The following SLC17A8 variants were observed in gnomAD, a reference collection of about 807,000 sequenced individuals.
SLC17A8 encodes vesicular glutamate transporter 3.
Under a neutral mutation model 58.0 loss-of-function variants are expected in SLC17A8, and 31 were observed. The observed-to-expected ratio is 0.53, with a 90% CI of 0.40 to 0.72. SLC17A8 has a LOEUF of 0.72. Ranked by LOEUF, SLC17A8 falls within the 30% of genes least tolerant of loss-of-function variation. The probability of loss-of-function intolerance (pLI) is 0.00; values close to 1 mark genes in which losing one functional copy is unlikely to be tolerated. For synonymous variants in SLC17A8, 228 were observed against 249.0 expected (o/e 0.92, Z 0.79); for missense variants, 655 against 727.8 (o/e 0.90, Z 1.15).
In SLC17A8 at chr12:100,357,264, T is replaced by C; in HGVS notation, c.-128T>C. 1 of 748,046 alleles carries C rather than the reference T, an allele frequency of 1.3e-6. No individual in the cohort carries two copies. The highest frequency in any genetic ancestry group is 1.8e-5 in the Admixed American group (1 of 55,570). 46.3% of individuals were successfully genotyped at this position (748,046 alleles called of 1,614,324 possible). A position where few individuals can be genotyped will look rare whatever the true frequency, so the allele number is the denominator to read the frequency against. ...TCATCTCCTTTTTGATTTTGAGTAG[T>C]TCCCTCCACGAGAACTGACTTCCAG... On this transcript the variant is annotated 5_prime_UTR_variant, in exon 1 of 12. Coordinates refer to ENST00000323346, the MANE Select transcript of SLC17A8 (RefSeq NM_139319.3).
At chr12:100,419,560 T>A (rs890736208) in intron 11 of SLC17A8, among the ~76,000 whole-genome samples, 3 of 152,050 alleles carry the variant, frequency 2.0e-5, no homozygotes, top group Non-Finnish European at 4.4e-5. Context: ...TTTTCTAAAT[T>A]AAAAAAATAC....
intron 9 of SLC17A8, among the ~76,000 whole-genome samples, chr12:100,411,666 T>C (rs1952868562): frequency 1.3e-5 from 2 of 152,114 alleles, no homozygotes; most frequent in African/African-American, 4.8e-5. Context: ...GGAAATGATA[T>C]TTATATCATT....
At chr12:100,364,541 G>T (rs1012606865) in intron 1 of SLC17A8, among the ~76,000 whole-genome samples, 2 of 152,168 alleles carry the variant, frequency 1.3e-5, no homozygotes, top group African/African-American at 4.8e-5. Flanking sequence ...TCTAGCACTG[G>T]GTGGCTGAGG....
intron 2 of SLC17A8, among the ~76,000 whole-genome samples, chr12:100,382,940 A>G (rs1952647549): frequency 6.6e-6 from 1 of 152,192 alleles, no homozygotes; most frequent in African/African-American, 2.4e-5. Context: ...CACCATGGAG[A>G]TCCTCCTAAC....
chr12:100,402,293 G>T (rs1438464627), intron 6 of SLC17A8, 47 bp from the exon 7 acceptor site: 2 of 1,606,696 alleles, frequency 1.2e-6, no homozygotes, highest in Non-Finnish European at 1.7e-6. Context: ...TTTAGAAACG[G>T]AAGAAAATGA....
rs113979674 is a variant in SLC17A8, at chr12:100,418,649, G to C, written c.1425+493G>C. Among the ~76,000 whole-genome samples the C allele has an allele frequency of 4.4e-3, 667 of 152,296 alleles. 4 individuals carry two copies. Among genetic ancestry groups the C allele is most frequent in the African/African-American group, 0.015 (620 of 41,560 alleles). On this transcript the variant is annotated intron_variant, in intron 11 of 11. Transcript: ENST00000323346. ...CTGAGCCTTTGTGAATTTAGACAAG[G>C]GTGGATGGTAGAGGCAGATCCATCC... is the stretch of plus-strand genomic sequence containing the variant.
intron 2 of SLC17A8, among the ~76,000 whole-genome samples, chr12:100,387,767 C>T (rs543121389): frequency 1.1e-3 from 174 of 152,222 alleles, no homozygotes; most frequent in African/African-American, 3.9e-3. Flanking sequence ...TTTTGTGTCC[C>T]CTTTTCCTTG....
intron 4 of SLC17A8, among the ~76,000 whole-genome samples, chr12:100,394,756 T>C (rs1223127963): frequency 6.8e-6 from 1 of 147,688 alleles, no homozygotes; most frequent in African/African-American, 2.5e-5. Flanking sequence ...TATATATAAA[T>C]TTAATTATAT....
intron 1 of SLC17A8, among the ~76,000 whole-genome samples, chr12:100,364,262 G>C (rs893232303): frequency 6.6e-6 from 1 of 152,126 alleles, no homozygotes; most frequent in African/African-American, 2.4e-5. Context: ...TGTTGGCTGA[G>C]ACTTGTAGTC....
At chr12:100,418,561 T>G (rs946360078) in intron 11 of SLC17A8, among the ~76,000 whole-genome samples, 1 of 152,208 alleles carries the variant, frequency 6.6e-6, no homozygotes, top group Non-Finnish European at 1.5e-5. Context: ...AAAAGATGAG[T>G]GCTATTCTAC....
intron 9 of SLC17A8, 136 bp downstream of exon 9, chr12:100,404,306 C>A: frequency 8.9e-7 from 1 of 1,125,320 alleles, no homozygotes; most frequent in Non-Finnish European, 1.3e-6. Context: ...CCTCAGCAGA[C>A]ACTTGAGTGT....
At chr12:100,412,066 T>G (rs374828697) in intron 9 of SLC17A8, among the ~76,000 whole-genome samples, 1 of 152,190 alleles carries the variant, frequency 6.6e-6, no homozygotes, top group Non-Finnish European at 1.5e-5. Context: ...AGGGGAATCA[T>G]TACCACAGTT....
At chr12:100,358,868 G>A (rs767583544) in intron 1 of SLC17A8, among the ~76,000 whole-genome samples, 3 of 152,278 alleles carry the variant, frequency 2.0e-5, no homozygotes, top group Middle Eastern at 3.4e-3. Context: ...TAGGCCGGGC[G>A]CAGTGGCTCA....
In SLC17A8 at chr12:100,419,819, G is replaced by A. The variant is rs151213649; in HGVS notation, c.1430G>A (p.Arg477His). Residue 477 changes from arginine to histidine, a missense_variant, in exon 12 of 12, where the codon CGT becomes CAT. Arg to His is a conservative substitution (Grantham distance 29). Transcript: ENST00000323346. The stretch of plus-strand genomic sequence containing the variant: ...GCACTTTATTTCCTTATTTAGACCC[G>A]TGAAGAATGGCAGAATGTGTTCCTC... ...IVGAMTRHKT[R>H]EEWQNVFLIA... 31 of 1,613,066 alleles carry A rather than the reference G, an allele frequency of 1.9e-5. No homozygotes were observed. The highest frequency in any genetic ancestry group is 3.3e-5 in the Admixed American group (2 of 59,988).
intron 8 of SLC17A8, among the ~76,000 whole-genome samples, chr12:100,403,535 C>T (rs925208354): frequency 4.6e-5 from 7 of 151,950 alleles, no homozygotes; most frequent in Non-Finnish European, 8.8e-5. Flanking sequence ...TGCTCCCAGA[C>T]ATTATCATCA....
At chr12:100,395,299 T>C (rs1052647762) in intron 4 of SLC17A8, among the ~76,000 whole-genome samples, 2 of 151,654 alleles carry the variant, frequency 1.3e-5, no homozygotes, top group African/African-American at 2.4e-5. Context: ...CAGAATACCA[T>C]AAACTAGGTA....
At position 100,402,482 on chromosome 12, in the gene SLC17A8, A is replaced by G. The variant is rs1165000335; in HGVS notation, c.903+3A>G. ...GGGCCAACGTGGTTAGTCTAAGTGT[A>G]AGTATAAAAAGTCAGATGAAGACTT... On this transcript the variant is annotated splice_donor_region_variant and intron_variant, in intron 7 of 11. Coordinates refer to ENST00000323346, the MANE Select transcript of SLC17A8 (RefSeq NM_139319.3). The G allele has an allele frequency of 6.2e-7, 1 of 1,614,018 alleles. No homozygotes were observed. Among genetic ancestry groups the G allele is most frequent in the Admixed American group, 1.7e-5 (1 of 60,010 alleles).
intron 1 of SLC17A8, among the ~76,000 whole-genome samples, chr12:100,363,425 C>T (rs1047081402): frequency 2.0e-5 from 3 of 152,074 alleles, no homozygotes; most frequent in Admixed American, 1.3e-4. Flanking sequence ...CTGGATGCAG[C>T]GGCTTGATCT....
chr12:100,404,750 T>C (rs1952814957), intron 9 of SLC17A8, among the ~76,000 whole-genome samples: 1 of 152,248 alleles, frequency 6.6e-6, no homozygotes, highest in South Asian at 2.1e-4. Flanking sequence ...CTAAATCTTC[T>C]ACATACATTA....
Sources: allele counts gnomAD v4.1 joint callset (sites outside exome capture counted in the v4.1 genomes callset), GRCh38; gene constraint gnomAD v4.1.1; transcripts MANE v1.5; gene names NCBI Gene and HGNC (gene_info 2026-07-23, HGNC 2026-07-21).